The following PPP4R4 variants were observed in gnomAD, a reference collection of about 807,000 sequenced individuals.
PPP4R4 encodes the protein protein phosphatase 4 regulatory subunit 4, also known as serine/threonine-protein phosphatase 4 regulatory subunit 4.
In PPP4R4, 70 loss-of-function variants were observed where a neutral mutation model predicts 121.8. The ratio of observed to expected loss-of-function variants is 0.57; its 90% CI spans 0.47 to 0.70. The LOEUF (loss-of-function observed/expected upper bound fraction) is 0.70, where lower values mean the gene tolerates loss of function less well. Among genes scored for constraint, PPP4R4 ranks in the 30% least tolerant of loss-of-function variants. PPP4R4 has a pLI of 0.00. For synonymous variants in PPP4R4, 348 were observed against 355.7 expected (o/e 0.98, Z 0.24); for missense variants, 875 against 1,033.6 (o/e 0.85, Z 2.10).
At chr14:94,260,452 A>G (rs1358728364) in intron 19 of PPP4R4, among the ~76,000 whole-genome samples, 1 of 151,824 alleles carries the variant, frequency 6.6e-6, no homozygotes, top group Non-Finnish European at 1.5e-5. Flanking sequence ...AAACAAAAAA[A>G]CCTGCTTTCA....
At chr14:94,240,883 A>G in intron 9 of PPP4R4, 88 bp downstream of exon 9, 4 of 1,378,404 alleles carry the variant, frequency 2.9e-6, no homozygotes, top group Non-Finnish European at 3.8e-6. Context: ...TCTTCAGTTA[A>G]TTGTAAAGCC....
In PPP4R4 at chr14:94,279,454, G is replaced by T. The variant is rs993605477; in HGVS notation, c.*811G>T. 2 of 152,474 alleles carry T rather than the reference G, an allele frequency of 1.3e-5. No homozygotes were observed. Among genetic ancestry groups the T allele is most frequent in the African/African-American group, 4.8e-5 (2 of 41,386 alleles). 9.4% of individuals were successfully genotyped at this position (152,474 alleles called of 1,614,324 possible). On this transcript the variant is annotated 3_prime_UTR_variant, in exon 25 of 25. Transcript: ENST00000304338. Reference sequence around the variant, plus strand: ...GTCAACAGCATTTATTTGTACTAATGCTAATATTTCCATCAAAATTTGCCT... The same window carrying T: ...GTCAACAGCATTTATTTGTACTAATTCTAATATTTCCATCAAAATTTGCCT...
chr14:94,243,654 G>C (rs1181504240), intron 11 of PPP4R4, among the ~76,000 whole-genome samples: 1 of 152,132 alleles, frequency 6.6e-6, no homozygotes, highest in Non-Finnish European at 1.5e-5. Context: ...TGGTGGAAGT[G>C]AGTTTGATAA....
chr14:94,215,559 G>A (rs899341263), intron 3 of PPP4R4, among the ~76,000 whole-genome samples: 1 of 152,124 alleles, frequency 6.6e-6, no homozygotes, highest in African/African-American at 2.4e-5. Flanking sequence ...AGGAAGGAAT[G>A]TAAATAAGAA....
chr14:94,208,332 G>T, intron 2 of PPP4R4, 132 bp from the exon 3 acceptor site: 1 of 524,372 alleles, frequency 1.9e-6, no homozygotes, highest in Admixed American at 3.8e-5. Flanking sequence ...ATGTATTTCT[G>T]GCTTAAAACT....
chr14:94,239,022 C>A (rs908239727), intron 8 of PPP4R4, among the ~76,000 whole-genome samples: 23 of 152,246 alleles, frequency 1.5e-4, no homozygotes, highest in African/African-American at 5.3e-4. Context: ...CTGGGCCTAA[C>A]CTGTGTTTGT....
chr14:94,194,381 A>C (rs1021479706), intron 2 of PPP4R4, among the ~76,000 whole-genome samples: 1 of 152,244 alleles, frequency 6.6e-6, no homozygotes, highest in Non-Finnish European at 1.5e-5. Context: ...AAAAAGGAGC[A>C]GCTCAAGTTG....
At chr14:94,215,743 A>G (rs917363279) in intron 3 of PPP4R4, among the ~76,000 whole-genome samples, 1 of 152,210 alleles carries the variant, frequency 6.6e-6, no homozygotes. Flanking sequence ...AAACTGTTCT[A>G]TGGTTTACAG....
chr14:94,257,628 C>T (rs570082219), intron 17 of PPP4R4, among the ~76,000 whole-genome samples: 1 of 126,004 alleles, frequency 7.9e-6, no homozygotes, highest in African/African-American at 3.1e-5. Flanking sequence ...TAGAGTTGCA[C>T]ATGCATTTAA....
At chr14:94,274,822 C>G (rs1214041406) in intron 23 of PPP4R4, among the ~76,000 whole-genome samples, 2 of 152,154 alleles carry the variant, frequency 1.3e-5, no homozygotes, top group Non-Finnish European at 2.9e-5. Context: ...TATGTCCACA[C>G]ACAGACTTGT....
At chr14:94,251,920 A>G (rs1893204960) in intron 16 of PPP4R4, 24 bp downstream of exon 16, 2 of 1,542,484 alleles carry the variant, frequency 1.3e-6, no homozygotes, top group Admixed American at 4.2e-5. Context: ...GAAGGAAAAT[A>G]TTGGAAATTG....
At chr14:94,196,265 T>TTATA (rs1419439578) in intron 2 of PPP4R4, among the ~76,000 whole-genome samples, 1 of 151,386 alleles carries the variant, frequency 6.6e-6, no homozygotes, top group Non-Finnish European at 1.5e-5. Flanking sequence ...TTTGTCTATC[T>TTATA]TATATATTAC....
chr14:94,263,994 T>A (rs1893908238), intron 19 of PPP4R4, among the ~76,000 whole-genome samples: 1 of 152,206 alleles, frequency 6.6e-6, no homozygotes, highest in South Asian at 2.1e-4. Context: ...TGTTTGTTGA[T>A]TTTCATGCCT....
chr14:94,244,526 CTTTA>C (rs1201308108), intron 11 of PPP4R4, 105 bp from the exon 12 acceptor site: 1 of 911,978 alleles, frequency 1.1e-6, no homozygotes, highest in Non-Finnish European at 1.5e-6. Context: ...TATAACATGG[CTTTA>C]TTTTAGAAGA....
chr14:94,210,197 A>G lies in PPP4R4; in HGVS notation c.294+1631A>G, dbSNP rs74074125. Among the ~76,000 whole-genome samples the G allele has an allele frequency of 3.0e-3, 461 of 151,584 alleles. 2 individuals are homozygous for G. Among genetic ancestry groups the G allele is most frequent in the African/African-American group, 0.011 (446 of 41,444 alleles). ...AAGATACATTTGATTCTTTGTATAA[A>G]TATGCTATATATATGAGTGTATAAT... On this transcript the variant is annotated intron_variant, in intron 3 of 24. Transcript: ENST00000304338.
chr14:94,250,157 A>C lies in PPP4R4; in HGVS notation c.1612-15A>C. 6.5e-7 allele frequency: 1 copy of C among 1,537,004 alleles called. No homozygotes were observed. Among genetic ancestry groups the C allele is most frequent in the Non-Finnish European group, 9.0e-7 (1 of 1,110,476 alleles). ...TTAGCCTAGTGTAACTGTCTGTCTTACTTACTTCTTCAAGAATGTTTTACC... is the reference window on the plus strand; with the variant it reads ...TTAGCCTAGTGTAACTGTCTGTCTTCCTTACTTCTTCAAGAATGTTTTACC... On this transcript the variant is annotated splice_polypyrimidine_tract_variant and intron_variant, in intron 14 of 24. Transcript: ENST00000304338.
chr14:94,199,760 G>A (rs972637208), intron 2 of PPP4R4, among the ~76,000 whole-genome samples: 6 of 152,150 alleles, frequency 3.9e-5, no homozygotes, highest in East Asian at 1.9e-4. Context: ...GATGGCTTGC[G>A]GACCTGCCAG....
intron 2 of PPP4R4, among the ~76,000 whole-genome samples, chr14:94,179,288 A>G (rs937288465): frequency 6.6e-6 from 1 of 152,186 alleles, no homozygotes; most frequent in Non-Finnish European, 1.5e-5. Context: ...GGATTTGCCT[A>G]TTCTGGAGAT....
intron 2 of PPP4R4, among the ~76,000 whole-genome samples, chr14:94,177,966 G>C (rs920800728): frequency 6.6e-6 from 1 of 152,170 alleles, no homozygotes; most frequent in Non-Finnish European, 1.5e-5. Flanking sequence ...GGGAACACTG[G>C]TTTGGTTATG....
Sources: allele counts gnomAD v4.1 joint callset (sites outside exome capture counted in the v4.1 genomes callset), GRCh38; gene constraint gnomAD v4.1.1; transcripts MANE v1.5; gene names NCBI Gene and HGNC (gene_info 2026-07-23, HGNC 2026-07-21).